The following ANKS4B variants were observed in gnomAD, a reference collection of about 807,000 sequenced individuals.
ANKS4B encodes ankyrin repeat and sterile alpha motif domain containing 4B, also known as ankyrin repeat and SAM domain-containing protein 4B.
Under a neutral mutation model 20.2 loss-of-function variants are expected in ANKS4B, and 21 were observed. The ratio of observed to expected loss-of-function variants is 1.04; its 90% CI spans 0.74 to 1.50. ANKS4B has a LOEUF of 1.50. ANKS4B is among the 40% of genes most tolerant of loss of function. The probability of loss-of-function intolerance (pLI) is 0.00; values close to 1 mark genes in which losing one functional copy is unlikely to be tolerated. For synonymous variants in ANKS4B, 179 were observed against 194.5 expected, an observed-to-expected ratio of 0.92 and a Z score of 0.66; for missense variants, 473 against 494.6, an observed-to-expected ratio of 0.96 and a Z score of 0.41.
chr16:21,237,249 G>T (rs189751907), intron 1 of ANKS4B, among the ~76,000 whole-genome samples: 171 of 152,228 alleles, frequency 1.1e-3, no homozygotes, highest in Non-Finnish European at 1.6e-3. Context: ...TCGAACTCCT[G>T]ACCTCAGGTG....
At chr16:21,237,515 C>T (rs1480848911) in intron 1 of ANKS4B, among the ~76,000 whole-genome samples, 2 of 151,950 alleles carry the variant, frequency 1.3e-5, no homozygotes, top group Non-Finnish European at 2.9e-5. Context: ...GATGACAGCC[C>T]TGTCTCCGCT....
chr16:21,244,983 T>C (rs1246709523), intron 1 of ANKS4B, among the ~76,000 whole-genome samples: 1 of 152,190 alleles, frequency 6.6e-6, no homozygotes, highest in African/African-American at 2.4e-5. Context: ...GGCCTTGTAA[T>C]ATCAGCCATC....
intron 1 of ANKS4B, among the ~76,000 whole-genome samples, chr16:21,234,483 T>TACACACACACACAC (rs34242527): frequency 1.2e-4 from 15 of 124,720 alleles, no homozygotes; most frequent in East Asian, 3.3e-4. Context: ...AGTGGATAGA[T>TACACACACACACAC]ACACACACAC....
intron 1 of ANKS4B, among the ~76,000 whole-genome samples, chr16:21,239,504 C>G (rs1319697429): frequency 6.6e-6 from 1 of 152,126 alleles, no homozygotes; most frequent in Non-Finnish European, 1.5e-5. Context: ...TTGCTTGAAC[C>G]CGCAAGGAGA....
At chr16:21,248,829 G>A (rs2093335390) in intron 1 of ANKS4B, among the ~76,000 whole-genome samples, 1 of 152,066 alleles carries the variant, frequency 6.6e-6, no homozygotes. Context: ...ACTCTTACCT[G>A]TCTCTTAAGA....
intron 1 of ANKS4B, among the ~76,000 whole-genome samples, chr16:21,248,958 A>C (rs958154729): frequency 6.6e-6 from 1 of 152,142 alleles, no homozygotes; most frequent in Non-Finnish European, 1.5e-5. Context: ...GCCATGGTGG[A>C]TGTATTTACA....
intron 1 of ANKS4B, among the ~76,000 whole-genome samples, chr16:21,246,175 T>C (rs1567226627): frequency 6.6e-6 from 1 of 152,368 alleles, no homozygotes; most frequent in East Asian, 1.9e-4. Context: ...TATAACTTGA[T>C]GTGTTTAATG....
rs756908714 is a variant in ANKS4B at position 21,233,862 on chromosome 16, A to G, written c.125A>G (p.His42Arg). 2 of 1,613,744 alleles carry G rather than the reference A, an allele frequency of 1.2e-6. No homozygotes were observed. Among genetic ancestry groups the G allele is most frequent in the South Asian group, 1.1e-5 (1 of 90,922 alleles). The change falls in exon 1 of 2, where the codon CAT becomes CGT. Residue 42 changes from histidine (H) to arginine (R), a missense_variant. Physicochemically the swap from His to Arg is conservative, Grantham distance 29 (BLOSUM62 0). Transcript: ENST00000311620. ...ACTCCTACTCTCTTGGCAGCCTACCATGGGAACTTGGAAGCCCTAGAGATA... is the reference window on the plus strand; with the variant it reads ...ACTCCTACTCTCTTGGCAGCCTACCGTGGGAACTTGGAAGCCCTAGAGATA... ...GMTPTLLAAY[H>R]GNLEALEIIC...
intron 1 of ANKS4B, among the ~76,000 whole-genome samples, chr16:21,236,731 T>A (rs2093320675): frequency 6.6e-6 from 1 of 151,962 alleles, no homozygotes; most frequent in Admixed American, 6.6e-5. Context: ...AGTCTTTAAT[T>A]ACAAAAGTAA....
chr16:21,248,473 T>G (rs1030466465), intron 1 of ANKS4B, among the ~76,000 whole-genome samples: 16 of 151,968 alleles, frequency 1.1e-4, no homozygotes, highest in Non-Finnish European at 2.2e-4. Flanking sequence ...CTCACAACTG[T>G]AATCCCAGCA....
intron 1 of ANKS4B, among the ~76,000 whole-genome samples, 196 bp from the exon 2 acceptor site, chr16:21,249,535 C>A (rs1448881022): frequency 6.6e-6 from 1 of 152,174 alleles, no homozygotes; most frequent in Non-Finnish European, 1.5e-5. Context: ...GGCTCTGTTT[C>A]TGGCCATGTG....
rs2093321475 is a variant in ANKS4B, at chr16:21,237,366, A to G, written c.164+3465A>G. Among the ~76,000 whole-genome samples the G allele has an allele frequency of 2.0e-5, 3 of 152,168 alleles. No homozygotes were observed. The South Asian group carries it at 6.2e-4, about 31-fold the overall frequency. ...TCTCCAAAGTGAAATTTCTGGATCA[A>G]TTTGCATTTGTGTTAGTCCATTTGT... is the stretch of plus-strand genomic sequence containing the variant. On this transcript the variant is annotated intron_variant, in intron 1 of 1. Transcript: ENST00000311620.
chr16:21,239,245 T>A (rs915826840), intron 1 of ANKS4B, among the ~76,000 whole-genome samples: 2 of 152,072 alleles, frequency 1.3e-5, no homozygotes, highest in African/African-American at 2.4e-5. Flanking sequence ...GAGCCAGCAA[T>A]CTCATTACTG....
At chr16:21,241,078 G>A (rs372895111) in intron 1 of ANKS4B, among the ~76,000 whole-genome samples, 1 of 152,220 alleles carries the variant, frequency 6.6e-6, no homozygotes, top group East Asian at 1.9e-4. Flanking sequence ...ACAGGTGTGA[G>A]TCACTGCACC....
intron 1 of ANKS4B, among the ~76,000 whole-genome samples, 180 bp downstream of exon 1, chr16:21,234,081 G>T (rs367726254): frequency 6.6e-6 from 1 of 152,200 alleles, no homozygotes; most frequent in East Asian, 1.9e-4. Context: ...TCTCACTGAG[G>T]ACTGGCACTA....
chr16:21,238,764 C>T (rs1327767203), intron 1 of ANKS4B: 1 of 152,138 alleles, frequency 6.6e-6, no homozygotes, highest in Admixed American at 6.5e-5. Context: ...CCAGTCCCCC[C>T]AATTTGCTTA....
chr16:21,240,280 T>A (rs914476360), intron 1 of ANKS4B, among the ~76,000 whole-genome samples: 3 of 152,150 alleles, frequency 2.0e-5, no homozygotes, highest in Non-Finnish European at 4.4e-5. Context: ...GAAACTAGAC[T>A]TTTTCCCCCA....
intron 1 of ANKS4B, among the ~76,000 whole-genome samples, chr16:21,243,062 C>A (rs974513401): frequency 6.6e-6 from 1 of 152,034 alleles, no homozygotes; most frequent in Non-Finnish European, 1.5e-5. Context: ...TTAGTGAGTC[C>A]AAATATTTCT....
intron 1 of ANKS4B, among the ~76,000 whole-genome samples, chr16:21,245,156 G>A (rs2093330849): frequency 6.6e-6 from 1 of 152,154 alleles, no homozygotes; most frequent in African/African-American, 2.4e-5. Flanking sequence ...TTGAAATTCT[G>A]GATTTGTGGC....
Sources: gnomAD v4.1 joint callset for allele counts (sites outside exome capture counted in the v4.1 genomes callset) on GRCh38, gnomAD v4.1.1 for gene constraint, MANE v1.5 for transcripts, NCBI Gene and HGNC (gene_info 2026-07-23, HGNC 2026-07-21) for gene names.